Variants in OCM observed in about 807,000 individuals in gnomAD.
OCM encodes the protein oncomodulin-1.
In OCM, 18 loss-of-function variants were observed where a neutral mutation model predicts 14.1. The ratio of observed to expected loss-of-function variants is 1.28; its 90% CI spans 0.88 to 1.89. The LOEUF (loss-of-function observed/expected upper bound fraction) is 1.89, where lower values mean the gene tolerates loss of function less well. Among genes scored for constraint, OCM ranks in the 40% most tolerant of loss-of-function variants. The pLI is 0.00. For synonymous variants in OCM, 48 were observed against 51.0 expected (o/e 0.94, Z 0.25); for missense variants, 140 against 137.6 (o/e 1.02, Z -0.09).
chr7:5,885,367 A>G (rs1781309740), intron 3 of OCM, among the ~76,000 whole-genome samples: 1 of 152,038 alleles, frequency 6.6e-6, no homozygotes, highest in Admixed American at 6.6e-5. Flanking sequence ...AGAGAAAGAA[A>G]ATCTCCCCTT....
the OCM span, among the ~76,000 whole-genome samples, chr7:5,864,454 TCTC>T: frequency 1.3e-5 from 2 of 152,078 alleles, no homozygotes; most frequent in Admixed American, 1.3e-4. Flanking sequence ...GGTTCTCTTT[TCTC>T]CTCCACGTTC....
the OCM span, among the ~76,000 whole-genome samples, chr7:5,867,206 T>C: frequency 6.6e-6 from 1 of 152,164 alleles, no homozygotes; most frequent in Non-Finnish European, 1.5e-5. Flanking sequence ...AGAAGTCTGA[T>C]GTCACTCGGT....
At chr7:5,876,023 G>C (rs1307013171), upstream of OCM, among the ~76,000 whole-genome samples, 5 of 150,806 alleles carry the variant, frequency 3.3e-5, no homozygotes, top group Non-Finnish European at 5.9e-5. Flanking sequence ...TTTTTTTTCC[G>C]AGACAGAGTC....
chr7:5,874,082 G>A, the OCM span, among the ~76,000 whole-genome samples: 2 of 150,530 alleles, frequency 1.3e-5, no homozygotes, highest in South Asian at 4.2e-4. Flanking sequence ...AAATTAGCCA[G>A]TCATGGTGGT....
chr7:5,868,067 T>G, the OCM span, among the ~76,000 whole-genome samples: 1 of 151,470 alleles, frequency 6.6e-6, no homozygotes, highest in Non-Finnish European at 1.5e-5. Context: ...TTCAAACTCA[T>G]TACTCTTTTT....
upstream of OCM, among the ~76,000 whole-genome samples, chr7:5,879,175 G>A (rs759857842): frequency 2.0e-5 from 3 of 152,068 alleles, no homozygotes; most frequent in African/African-American, 4.8e-5. Context: ...CACTCCAGCC[G>A]GGGCAACAGA....
intron 2 of OCM, among the ~76,000 whole-genome samples, chr7:5,883,450 T>G (rs1185764608): frequency 1.3e-5 from 2 of 151,836 alleles, no homozygotes; most frequent in Non-Finnish European, 2.9e-5. Context: ...GAGGCTGAGG[T>G]GGGTGGATTG....
chr7:5,865,881 C>G, the OCM span, among the ~76,000 whole-genome samples: 27 of 152,224 alleles, frequency 1.8e-4, no homozygotes, highest in East Asian at 5.2e-3. Flanking sequence ...AATGCATATA[C>G]ACATCTAGAT....
the OCM span, among the ~76,000 whole-genome samples, chr7:5,863,725 G>C: frequency 6.6e-6 from 1 of 151,924 alleles, no homozygotes; most frequent in Admixed American, 6.6e-5. Flanking sequence ...GTAGAGATGG[G>C]GTTTCACCAT....
chr7:5,871,991 A>G, the OCM span: 4 of 152,428 alleles, frequency 2.6e-5, no homozygotes, highest in African/African-American at 4.8e-5. Context: ...GGTTCAAGCA[A>G]TCCTCCTGCC....
At chr7:5,871,172 G>GCC in the OCM span, among the ~76,000 whole-genome samples, 14 of 147,794 alleles carry the variant, frequency 9.5e-5, no homozygotes, top group South Asian at 6.5e-4. Context: ...CATAGTGAGA[G>GCC]CCCCCCCCCC....
At chr7:5,875,223 T>G (rs1781072265), upstream of OCM, among the ~76,000 whole-genome samples, 1 of 151,650 alleles carries the variant, frequency 6.6e-6, no homozygotes, top group East Asian at 1.9e-4. Context: ...CCCAGATAAT[T>G]TTTTTGTATT....
chr7:5,879,141 C>T (rs1479350742), upstream of OCM, among the ~76,000 whole-genome samples: 6 of 152,120 alleles, frequency 3.9e-5, no homozygotes. Context: ...GTCAAGGCTG[C>T]AATGAGCTGA....
upstream of OCM, chr7:5,879,740 C>T (rs1337429512): frequency 7.7e-6 from 1 of 130,064 alleles, no homozygotes; most frequent in Admixed American, 8.6e-5. Flanking sequence ...ACCCACATTC[C>T]CTTGAGACAT....
At chr7:5,879,203 C>G (rs1211835254), upstream of OCM, among the ~76,000 whole-genome samples, 1 of 152,148 alleles carries the variant, frequency 6.6e-6, no homozygotes, top group Admixed American at 6.6e-5. Flanking sequence ...CCTGTCACAA[C>G]AGAAACAAAA....
chr7:5,863,073 T>A, the OCM span, among the ~76,000 whole-genome samples: 2 of 152,262 alleles, frequency 1.3e-5, no homozygotes, highest in African/African-American at 4.8e-5. Context: ...TACTTTACCT[T>A]ATGTAAAATG....
chr7:5,883,438 G>A (rs1461585402), intron 2 of OCM, among the ~76,000 whole-genome samples: 1 of 152,086 alleles, frequency 6.6e-6, no homozygotes, highest in Non-Finnish European at 1.5e-5. Context: ...CCAGCCCTTT[G>A]GGAGGCTGAG....
chr7:5,882,304 G>A (rs1385244274), intron 1 of OCM, among the ~76,000 whole-genome samples, 189 bp from the exon 2 acceptor site: 6 of 151,898 alleles, frequency 4.0e-5, no homozygotes, highest in Non-Finnish European at 7.4e-5. Flanking sequence ...AGACTGGGGC[G>A]GAGGGGACAT....
the OCM span, among the ~76,000 whole-genome samples, chr7:5,865,789 CAGTG>C: frequency 4.0e-4 from 61 of 152,240 alleles, no homozygotes; most frequent in African/African-American, 1.1e-3. Context: ...CATTTAGAGA[CAGTG>C]AGTTTAACTG....
Sources: allele counts gnomAD v4.1 joint callset (sites outside exome capture counted in the v4.1 genomes callset), GRCh38; gene constraint gnomAD v4.1.1; transcripts MANE v1.5; gene names NCBI Gene and HGNC (gene_info 2026-07-23, HGNC 2026-07-21).